MB21D2: variants seen among roughly 807,000 people sequenced by gnomAD.
The protein encoded by MB21D2 is Mab-21 domain containing 2.
Under a neutral mutation model 33.3 loss-of-function variants are expected in MB21D2, and 9 were observed. That is an observed-to-expected ratio of 0.27 (90% CI 0.16 to 0.47). The LOEUF is 0.47. Ranked by LOEUF, MB21D2 falls within the 20% of genes least tolerant of loss-of-function variation. The probability of loss-of-function intolerance (pLI) is 0.99; values close to 1 mark genes in which losing one functional copy is unlikely to be tolerated. For missense variants in MB21D2, 540 were observed against 624.6 expected (o/e 0.86, Z 1.44); for synonymous variants, 241 against 236.3 (o/e 1.02, Z -0.18).
chr3:192,804,319 G>C (rs1200712252), intron 1 of MB21D2, among the ~76,000 whole-genome samples: 2 of 150,538 alleles, frequency 1.3e-5, no homozygotes, highest in Non-Finnish European at 2.9e-5. Flanking sequence ...ATGATTTCTT[G>C]TTGTCTTTAC....
intron 1 of MB21D2, among the ~76,000 whole-genome samples, chr3:192,901,756 T>G (rs1714108548): frequency 6.6e-6 from 1 of 152,218 alleles, no homozygotes; most frequent in South Asian, 2.1e-4. Context: ...AATTTATAAA[T>G]TGTGACCTCA....
chr3:192,825,448 C>A (rs989779242), intron 1 of MB21D2, among the ~76,000 whole-genome samples: 1 of 151,940 alleles, frequency 6.6e-6, no homozygotes, highest in East Asian at 1.9e-4. Context: ...TTTCCAGAAG[C>A]CAAGGAATGT....
intron 1 of MB21D2, among the ~76,000 whole-genome samples, chr3:192,906,585 C>A (rs193232179): frequency 6.6e-6 from 1 of 152,348 alleles, no homozygotes. Flanking sequence ...AACGTCTCTG[C>A]TTCAGAGAAG....
At chr3:192,900,725 G>A (rs1714079262) in intron 1 of MB21D2, among the ~76,000 whole-genome samples, 1 of 152,084 alleles carries the variant, frequency 6.6e-6, no homozygotes, top group Non-Finnish European at 1.5e-5. Flanking sequence ...AGCAGAGCAC[G>A]AGGTCAGGAG....
intron 1 of MB21D2, among the ~76,000 whole-genome samples, chr3:192,853,022 C>CAG (rs917968125): frequency 8.1e-6 from 1 of 123,252 alleles, no homozygotes; most frequent in Non-Finnish European, 1.7e-5. Flanking sequence ...TCAGTTATCT[C>CAG]TCTCTGTCTC....
chr3:192,836,992 T>C (rs1292041424), intron 1 of MB21D2, among the ~76,000 whole-genome samples: 4 of 152,140 alleles, frequency 2.6e-5, no homozygotes, highest in Non-Finnish European at 5.9e-5. Flanking sequence ...ACACTTGGCA[T>C]AGACATCCAA....
chr3:192,880,713 G>A lies in MB21D2; in HGVS notation c.211+36917C>T, dbSNP rs573348701. On this transcript the variant is annotated intron_variant, in intron 1 of 1. Coordinates refer to ENST00000392452, the MANE Select transcript of MB21D2 (RefSeq NM_178496.4). ...CTGTCAGCAAGCCCTCCCCCAGAGG[G>A]AGCCAGGGTGGCACATCTCTGCAGT... Among the ~76,000 whole-genome samples, 11 of 152,258 alleles carry A rather than the reference G, an allele frequency of 7.2e-5. No homozygotes were observed. In the East Asian group the frequency reaches 1.5e-3, roughly 21 times the overall value.
intron 1 of MB21D2, among the ~76,000 whole-genome samples, chr3:192,891,104 A>G (rs752388796): frequency 1.3e-5 from 2 of 152,182 alleles, no homozygotes; most frequent in African/African-American, 2.4e-5. Context: ...CAAAGTTCTT[A>G]TAGAAGTTTT....
intron 1 of MB21D2, among the ~76,000 whole-genome samples, chr3:192,891,770 G>A (rs560622252): frequency 5.9e-5 from 9 of 152,146 alleles, no homozygotes; most frequent in African/African-American, 1.4e-4. Context: ...AAAATGTGTC[G>A]GCACAGACCA....
chr3:192,817,819 A>G (rs193000531), intron 1 of MB21D2, among the ~76,000 whole-genome samples: 1 of 152,220 alleles, frequency 6.6e-6, no homozygotes, highest in Admixed American at 6.5e-5. Flanking sequence ...CTCTAATCAC[A>G]TCACTCACCT....
At chr3:192,879,232 G>A (rs568447341) in intron 1 of MB21D2, among the ~76,000 whole-genome samples, 7 of 152,282 alleles carry the variant, frequency 4.6e-5, no homozygotes, top group African/African-American at 1.4e-4. Context: ...TGCCTCCAGC[G>A]GTACTTTATA....
At chr3:192,877,903 A>G (rs1713467831) in intron 1 of MB21D2, among the ~76,000 whole-genome samples, 1 of 151,982 alleles carries the variant, frequency 6.6e-6, no homozygotes, top group South Asian at 2.1e-4. Flanking sequence ...AGGGCCAAAG[A>G]TACAAGTAGT....
At chr3:192,899,427 G>A (rs996895294) in intron 1 of MB21D2, among the ~76,000 whole-genome samples, 4 of 152,140 alleles carry the variant, frequency 2.6e-5, no homozygotes, top group Non-Finnish European at 5.9e-5. Flanking sequence ...TACTTGGGAG[G>A]CTGAGGCAGG....
intron 1 of MB21D2, among the ~76,000 whole-genome samples, chr3:192,806,262 A>G (rs962756925): frequency 6.6e-6 from 1 of 152,194 alleles, no homozygotes; most frequent in African/African-American, 2.4e-5. Flanking sequence ...CCTAAACAAG[A>G]CAACAATACA....
chr3:192,820,350 C>G (rs759229641), intron 1 of MB21D2, among the ~76,000 whole-genome samples: 1 of 152,050 alleles, frequency 6.6e-6, no homozygotes, highest in Non-Finnish European at 1.5e-5. Flanking sequence ...TTAACTCCCC[C>G]GAGATAACAA....
intron 1 of MB21D2, among the ~76,000 whole-genome samples, chr3:192,910,321 T>C (rs1054530273): frequency 1.1e-4 from 16 of 139,356 alleles, no homozygotes; most frequent in Admixed American, 4.9e-4. Flanking sequence ...AAAAAAAAAA[T>C]TTAAAAATTA....
At chr3:192,839,098 G>A (rs1712513859) in intron 1 of MB21D2, among the ~76,000 whole-genome samples, 2 of 152,212 alleles carry the variant, frequency 1.3e-5, no homozygotes, top group African/African-American at 4.8e-5. Context: ...GGTGGATTGG[G>A]AGGCAAGGAT....
intron 1 of MB21D2, among the ~76,000 whole-genome samples, chr3:192,813,432 A>G (rs2108613101): frequency 6.6e-6 from 1 of 152,158 alleles, no homozygotes; most frequent in South Asian, 2.1e-4. Context: ...CATTCTGACT[A>G]TAAGTGAATA....
intron 1 of MB21D2, among the ~76,000 whole-genome samples, chr3:192,828,428 G>A (rs933443168): frequency 6.6e-6 from 1 of 150,894 alleles, no homozygotes; most frequent in Non-Finnish European, 1.5e-5. Context: ...GCAGGAGTGG[G>A]GCCCAAGATG....
Sources: allele counts gnomAD v4.1 joint callset (sites outside exome capture counted in the v4.1 genomes callset), GRCh38; gene constraint gnomAD v4.1.1; transcripts MANE v1.5; gene names NCBI Gene and HGNC (gene_info 2026-07-23, HGNC 2026-07-21).